The following ZNF385D variants were observed in gnomAD, a reference collection of about 807,000 sequenced individuals.
ZNF385D encodes zinc finger protein 385D.
In ZNF385D, 15 loss-of-function variants were observed where a neutral mutation model predicts 35.8. The ratio of observed to expected loss-of-function variants is 0.42; its 90% CI spans 0.28 to 0.64. The LOEUF (loss-of-function observed/expected upper bound fraction) is 0.64. Ranked by LOEUF, ZNF385D falls within the 30% of genes least tolerant of loss-of-function variation. The pLI, the probability that ZNF385D is intolerant of heterozygous loss-of-function variation, is 0.23. For synonymous variants in ZNF385D, 212 were observed against 186.8 expected, an observed-to-expected ratio of 1.13 and a Z score of -1.10; for missense variants, 474 against 494.6, an observed-to-expected ratio of 0.96 and a Z score of 0.39.
At chr3:22,329,681 G>A (rs147599447) in intron 2 of ZNF385D, among the ~76,000 whole-genome samples, 17 of 152,162 alleles carry the variant, frequency 1.1e-4, no homozygotes, top group Admixed American at 1.0e-3. Context: ...ATATTATATA[G>A]ATCAACACTG....
chr3:21,708,256 A>G (rs922323699), intron 1 of ZNF385D, among the ~76,000 whole-genome samples: 1 of 152,196 alleles, frequency 6.6e-6, no homozygotes, highest in African/African-American at 2.4e-5. Flanking sequence ...ACTGCTAAGA[A>G]CTTATTATGT....
chr3:21,547,437 A>G (rs1001280853), intron 3 of ZNF385D, among the ~76,000 whole-genome samples: 5 of 151,790 alleles, frequency 3.3e-5, no homozygotes, highest in African/African-American at 1.2e-4. Context: ...CAGGACATCA[A>G]ACTCCAAACA....
intron 2 of ZNF385D, among the ~76,000 whole-genome samples, chr3:21,620,022 G>A (rs2064957989): frequency 6.6e-6 from 1 of 152,120 alleles, no homozygotes; most frequent in South Asian, 2.1e-4. Context: ...TCTCTTCAAT[G>A]ATTACTAACA....
intron 3 of ZNF385D, among the ~76,000 whole-genome samples, chr3:21,943,188 T>A (rs1261898182): frequency 6.6e-6 from 1 of 151,974 alleles, no homozygotes; most frequent in African/African-American, 2.4e-5. Flanking sequence ...TAGCTTATAG[T>A]GAAAAAAGGC....
intron 3 of ZNF385D, among the ~76,000 whole-genome samples, chr3:21,895,142 T>C (rs1176666114): frequency 2.6e-5 from 4 of 151,804 alleles, no homozygotes; most frequent in Non-Finnish European, 5.9e-5. Flanking sequence ...AGATTAAAAA[T>C]AGGTTGGTAT....
intron 4 of ZNF385D, among the ~76,000 whole-genome samples, chr3:21,480,157 C>T (rs1704522262): frequency 6.9e-6 from 1 of 144,448 alleles, no homozygotes; most frequent in Non-Finnish European, 1.5e-5. Flanking sequence ...GGCTGGAGTG[C>T]AATGGCACGA....
chr3:22,168,156 A>G (rs1449864791), intron 3 of ZNF385D, among the ~76,000 whole-genome samples: 1 of 152,198 alleles, frequency 6.6e-6, no homozygotes, highest in Non-Finnish European at 1.5e-5. Context: ...AGTTGCAGTG[A>G]GTTAGCTCTC....
chr3:21,864,412 C>A (rs1697222300), intron 3 of ZNF385D, among the ~76,000 whole-genome samples: 1 of 152,080 alleles, frequency 6.6e-6, no homozygotes, highest in Non-Finnish European at 1.5e-5. Context: ...TTTGCCTTGC[C>A]TCTCTTGAAT....
chr3:21,656,935 C>T (rs147232483), intron 2 of ZNF385D, among the ~76,000 whole-genome samples: 1 of 151,804 alleles, frequency 6.6e-6, no homozygotes, highest in South Asian at 2.1e-4. Flanking sequence ...TATTTGGGTC[C>T]TCTTATTTAC....
intron 3 of ZNF385D, among the ~76,000 whole-genome samples, chr3:21,933,401 GC>G (rs1490696292): frequency 6.6e-6 from 1 of 152,086 alleles, no homozygotes; most frequent in Non-Finnish European, 1.5e-5. Flanking sequence ...GTAACTGTGA[GC>G]TAGTTTAAAA....
At chr3:21,593,300 C>CT (rs1341123858) in intron 2 of ZNF385D, among the ~76,000 whole-genome samples, 1 of 152,126 alleles carries the variant, frequency 6.6e-6, no homozygotes, top group East Asian at 1.9e-4. Flanking sequence ...TCAAGACTGC[C>CT]TTTAGCAGTT....
At chr3:21,609,753 G>A (rs901096123) in intron 2 of ZNF385D, among the ~76,000 whole-genome samples, 1 of 152,140 alleles carries the variant, frequency 6.6e-6, no homozygotes, top group South Asian at 2.1e-4. Flanking sequence ...AAGAGTGTGT[G>A]TTCCTTGACA....
intron 4 of ZNF385D, among the ~76,000 whole-genome samples, chr3:21,497,841 G>A (rs936663280): frequency 3.9e-5 from 6 of 151,958 alleles, no homozygotes; most frequent in African/African-American, 9.7e-5. Flanking sequence ...AGAGTGAGAC[G>A]CTGTCTCAAA....
chr3:21,491,390 A>G (rs985680718), intron 4 of ZNF385D, among the ~76,000 whole-genome samples: 1 of 152,080 alleles, frequency 6.6e-6, no homozygotes, highest in Non-Finnish European at 1.5e-5. Flanking sequence ...GACTCTACAC[A>G]AACTGCCATT....
chr3:21,497,519 A>T (rs900585968), intron 4 of ZNF385D, among the ~76,000 whole-genome samples: 3 of 152,010 alleles, frequency 2.0e-5, no homozygotes, highest in Non-Finnish European at 4.4e-5. Flanking sequence ...TACCAATGAC[A>T]CTCTTCACAG....
intron 3 of ZNF385D, among the ~76,000 whole-genome samples, chr3:22,105,114 C>G (rs963669754): frequency 6.6e-6 from 1 of 152,062 alleles, no homozygotes; most frequent in African/African-American, 2.4e-5. Context: ...TTCACTTTTA[C>G]AGTCTAATGT....
At chr3:21,502,929 C>T (rs909196680) in intron 4 of ZNF385D, among the ~76,000 whole-genome samples, 1 of 152,166 alleles carries the variant, frequency 6.6e-6, no homozygotes, top group Non-Finnish European at 1.5e-5. Flanking sequence ...GGTCTTTTAT[C>T]ATGACAGTTA....
At chr3:21,459,745 G>A (rs1322893933) in intron 4 of ZNF385D, among the ~76,000 whole-genome samples, 1 of 152,082 alleles carries the variant, frequency 6.6e-6, no homozygotes, top group Non-Finnish European at 1.5e-5. Flanking sequence ...CTATTATGTT[G>A]CTTGATGAAA....
intron 1 of ZNF385D, among the ~76,000 whole-genome samples, chr3:21,713,668 G>C (rs1439588633): frequency 2.0e-5 from 3 of 152,050 alleles, no homozygotes; most frequent in African/African-American, 7.2e-5. Context: ...TAGTGATTTT[G>C]ATATACCCAT....
Sources: allele counts gnomAD v4.1 joint callset (sites outside exome capture counted in the v4.1 genomes callset), GRCh38; gene constraint gnomAD v4.1.1; transcripts MANE v1.5; gene names NCBI Gene and HGNC (gene_info 2026-07-23, HGNC 2026-07-21).